Variants in DCLK1 observed in about 807,000 individuals in gnomAD.
DCLK1 encodes the protein serine/threonine-protein kinase DCLK1.
A neutral mutation model predicts 86.2 loss-of-function variants in DCLK1; 16 were observed. That is an observed-to-expected ratio of 0.19 (90% CI 0.13 to 0.28). DCLK1 has a LOEUF of 0.28. DCLK1 is among the 10% of genes least tolerant of loss of function. DCLK1 has a pLI of 1.00. For synonymous variants in DCLK1, 369 were observed against 370.5 expected (o/e 1.00, Z 0.05); for missense variants, 590 against 940.2 (o/e 0.63, Z 4.87).
intron 5 of DCLK1, among the ~76,000 whole-genome samples, chr13:35,855,025 A>C (rs1396911443): frequency 6.6e-6 from 1 of 152,190 alleles, no homozygotes; most frequent in Non-Finnish European, 1.5e-5. Flanking sequence ...TAAATAGATC[A>C]CTGTATTTGT....
Position 35,864,557 on chromosome 13 carries a change from T to A in DCLK1, c.940+6667A>T, listed in dbSNP as rs1311821251. Among the ~76,000 whole-genome samples the A allele has an allele frequency of 2.9e-4, 12 of 41,388 alleles. 2 individuals are homozygous for A. Among genetic ancestry groups the A allele is most frequent in the Non-Finnish European group, 4.5e-4 (12 of 26,530 alleles). The allele number at this position is 41,388 out of a possible 152,430, so 27.2% of individuals were successfully genotyped here. A position where few individuals can be genotyped will look rare whatever the true frequency, so the allele number is the denominator to read the frequency against. ...TCCAGCCTGGGCGACAGAGCGAGACTCCGTCTCAAAAAAAAAAAAAAAAAA... is the reference window on the plus strand; with the variant it reads ...TCCAGCCTGGGCGACAGAGCGAGACACCGTCTCAAAAAAAAAAAAAAAAAA... On this transcript the variant is annotated intron_variant, in intron 5 of 16. Transcript: ENST00000360631.
intron 16 of DCLK1, among the ~76,000 whole-genome samples, 165 bp from the exon 17 acceptor site, chr13:35,774,864 C>T (rs1416645847): frequency 1.3e-5 from 2 of 152,186 alleles, no homozygotes; most frequent in Non-Finnish European, 2.9e-5. Context: ...GAGCCCTCTG[C>T]TCCCCACAAA....
chr13:36,007,863 A>T (rs1881054069), intron 3 of DCLK1, among the ~76,000 whole-genome samples: 1 of 152,158 alleles, frequency 6.6e-6, no homozygotes, highest in African/African-American at 2.4e-5. Context: ...ATATTTAATT[A>T]TGTTATATTT....
intron 2 of DCLK1, among the ~76,000 whole-genome samples, chr13:36,123,926 C>T (rs1422380368): frequency 2.0e-5 from 3 of 152,188 alleles, no homozygotes; most frequent in African/African-American, 4.8e-5. Context: ...TCATCTACCA[C>T]CTCCCAGACC....
intron 6 of DCLK1, chr13:35,850,696 A>G (rs1566566890): frequency 6.3e-7 from 1 of 1,580,840 alleles, no homozygotes; most frequent in Non-Finnish European, 8.6e-7. Flanking sequence ...ATCACAAACC[A>G]TATACATTGC....
intron 2 of DCLK1, among the ~76,000 whole-genome samples, chr13:36,123,408 T>A (rs2138214749): frequency 6.6e-6 from 1 of 152,364 alleles, no homozygotes; most frequent in South Asian, 2.1e-4. Context: ...ACTCACACAC[T>A]GTACCAAAGT....
At chr13:35,813,309 T>TAACAAA (rs1465228729) in intron 11 of DCLK1, among the ~76,000 whole-genome samples, 1 of 152,064 alleles carries the variant, frequency 6.6e-6, no homozygotes, top group Non-Finnish European at 1.5e-5. Context: ...GTAGCTTTTT[T>TAACAAA]CTTAAACACA....
intron 4 of DCLK1, among the ~76,000 whole-genome samples, chr13:35,928,817 G>A (rs1272979546): frequency 2.0e-5 from 3 of 152,186 alleles, no homozygotes; most frequent in Non-Finnish European, 4.4e-5. Flanking sequence ...CATGTTAATT[G>A]TCTATAAGCC....
intron 8 of DCLK1, 125 bp downstream of exon 8, chr13:35,835,908 T>G: frequency 1.4e-6 from 1 of 696,414 alleles, no homozygotes; most frequent in South Asian, 2.6e-5. Flanking sequence ...AAAATTCTTT[T>G]GCATTTGGGG....
At chr13:36,054,427 G>A (rs1343955944) in intron 3 of DCLK1, among the ~76,000 whole-genome samples, 1 of 152,138 alleles carries the variant, frequency 6.6e-6, no homozygotes, top group East Asian at 1.9e-4. Flanking sequence ...TTTTTAGCTT[G>A]CAAATAAAGT....
At chr13:36,090,584 T>C (rs930779237) in intron 3 of DCLK1, among the ~76,000 whole-genome samples, 1 of 151,566 alleles carries the variant, frequency 6.6e-6, no homozygotes, top group Middle Eastern at 3.2e-3. Context: ...GCACAGAACG[T>C]AGGTAGGAGA....
At chr13:36,019,051 G>A (rs1452250556) in intron 3 of DCLK1, among the ~76,000 whole-genome samples, 1 of 152,122 alleles carries the variant, frequency 6.6e-6, no homozygotes, top group African/African-American at 2.4e-5. Context: ...TAATTGGCAT[G>A]CAAATTTATT....
At chr13:35,984,888 C>T (rs987031343) in intron 3 of DCLK1, among the ~76,000 whole-genome samples, 1 of 138,196 alleles carries the variant, frequency 7.2e-6, no homozygotes, top group African/African-American at 2.8e-5. Context: ...GTGCCCCCAG[C>T]GTGCGCATGC....
chr13:36,081,000 C>T (rs1344748750), intron 3 of DCLK1, among the ~76,000 whole-genome samples: 1 of 152,114 alleles, frequency 6.6e-6, no homozygotes, highest in Non-Finnish European at 1.5e-5. Context: ...ACAGTACAGA[C>T]TTATCTGTCC....
intron 16 of DCLK1, among the ~76,000 whole-genome samples, chr13:35,784,480 C>A (rs1254446870): frequency 6.6e-6 from 1 of 152,200 alleles, no homozygotes; most frequent in Non-Finnish European, 1.5e-5. Flanking sequence ...CCCTTGGTGA[C>A]CTTCACGCCA....
chr13:36,116,096 T>C (rs4547222), intron 2 of DCLK1, among the ~76,000 whole-genome samples: 6 of 151,848 alleles, frequency 4.0e-5, no homozygotes, highest in African/African-American at 1.4e-4. Flanking sequence ...ATTACAGGCA[T>C]GCACCACCAC....
intron 8 of DCLK1, among the ~76,000 whole-genome samples, chr13:35,831,392 T>A (rs1018695257): frequency 1.3e-5 from 2 of 152,312 alleles, no homozygotes; most frequent in East Asian, 3.9e-4. Flanking sequence ...GGAGACTAAA[T>A]GTGTGTCATA....
At chr13:35,890,170 ACTCT>A (rs1204853692) in intron 4 of DCLK1, among the ~76,000 whole-genome samples, 1 of 151,714 alleles carries the variant, frequency 6.6e-6, no homozygotes, top group Non-Finnish European at 1.5e-5. Context: ...TAAAGTAAAA[ACTCT>A]CTCTCCCCCA....
chr13:35,977,634 G>A (rs2153140869), intron 3 of DCLK1, among the ~76,000 whole-genome samples: 1 of 152,108 alleles, frequency 6.6e-6, no homozygotes, highest in South Asian at 2.1e-4. Flanking sequence ...TAATGAATGA[G>A]GAAATTACCT....
Sources: allele counts gnomAD v4.1 joint callset (sites outside exome capture counted in the v4.1 genomes callset), GRCh38; gene constraint gnomAD v4.1.1; transcripts MANE v1.5; gene names NCBI Gene and HGNC (gene_info 2026-07-23, HGNC 2026-07-21).